Variants in CRADD observed in about 807,000 individuals in gnomAD.
The protein encoded by CRADD is CARD and death domain containing adaptor protein, also known as death domain-containing protein CRADD.
CRADD carries 9 observed loss-of-function variants against 15.5 expected under a neutral mutation model. The ratio of observed to expected loss-of-function variants is 0.58; its 90% CI spans 0.35 to 1.01. The LOEUF (loss-of-function observed/expected upper bound fraction) is 1.01, where lower values mean the gene tolerates loss of function less well. Among genes scored for constraint, CRADD ranks in the 50% least tolerant of loss-of-function variants. The pLI is 0.02. For missense variants in CRADD, 227 were observed against 250.3 expected, an observed-to-expected ratio of 0.91 and a Z score of 0.63; for synonymous variants, 118 against 107.6, an observed-to-expected ratio of 1.10 and a Z score of -0.60.
chr12:93,716,481 A>G (rs1171419600), intron 2 of CRADD, among the ~76,000 whole-genome samples: 3 of 152,224 alleles, frequency 2.0e-5, no homozygotes, highest in Non-Finnish European at 4.4e-5. Context: ...CATTTATGGA[A>G]TCATACAGAG....
chr12:93,814,980 C>T lies in CRADD; in HGVS notation c.299-34990C>T, dbSNP rs75800372. ...TCTCTGCAGAGGTTGGAATCACCCC[C>T]TTGGGTGCTGGTAGCAATCTGTGAA... On this transcript the variant is annotated intron_variant, in intron 2 of 2. Coordinates refer to ENST00000332896, the MANE Select transcript of CRADD (RefSeq NM_003805.5). Among the ~76,000 whole-genome samples, 1,479 of 152,212 alleles carry T rather than the reference C, an allele frequency of 9.7e-3. 26 individuals are homozygous for T. Among genetic ancestry groups the T allele is most frequent in the African/African-American group, 0.034 (1,414 of 41,546 alleles).
intron 2 of CRADD, among the ~76,000 whole-genome samples, chr12:93,882,333 A>G (rs1179580351): frequency 1.3e-5 from 2 of 150,102 alleles, no homozygotes; most frequent in African/African-American, 4.9e-5. Flanking sequence ...AGGCAGGAGA[A>G]TCGCTTGAAC....
chr12:93,790,277 C>G (rs1353983512), intron 2 of CRADD, among the ~76,000 whole-genome samples: 23 of 151,808 alleles, frequency 1.5e-4, no homozygotes, highest in Non-Finnish European at 1.5e-5. Context: ...TTTTTGGCCC[C>G]CAAGATACTC....
intron 2 of CRADD, among the ~76,000 whole-genome samples, chr12:93,867,235 G>C (rs1958375258): frequency 6.6e-6 from 1 of 151,676 alleles, no homozygotes; most frequent in Non-Finnish European, 1.5e-5. Flanking sequence ...TCCTCTTTCT[G>C]TTTTCTAACT....
At chr12:93,846,423 C>T (rs1958116849) in intron 2 of CRADD, 1 of 152,104 alleles carries the variant, frequency 6.6e-6, no homozygotes, top group Non-Finnish European at 1.5e-5. Context: ...CCAATTTCTC[C>T]ACACCCTTGC....
chr12:93,853,932 A>G (rs1958249514), downstream of CRADD, among the ~76,000 whole-genome samples: 1 of 152,152 alleles, frequency 6.6e-6, no homozygotes, highest in Non-Finnish European at 1.5e-5. Flanking sequence ...TTGCCTTTTC[A>G]TTGTTATAAA....
At chr12:93,785,119 T>C (rs1957264325) in intron 2 of CRADD, among the ~76,000 whole-genome samples, 1 of 152,130 alleles carries the variant, frequency 6.6e-6, no homozygotes, top group Admixed American at 6.5e-5. Context: ...CTATGTTTGA[T>C]AATGCATATA....
At chr12:93,726,914 C>T (rs138476714) in intron 2 of CRADD, among the ~76,000 whole-genome samples, 182 of 152,272 alleles carry the variant, frequency 1.2e-3, no homozygotes, top group African/African-American at 4.2e-3. Flanking sequence ...CTCAGTTTCA[C>T]GATAACAAGA....
intron 2 of CRADD, among the ~76,000 whole-genome samples, chr12:93,786,875 T>C (rs1957283699): frequency 6.6e-6 from 1 of 152,294 alleles, no homozygotes; most frequent in South Asian, 2.1e-4. Flanking sequence ...TTTGAAAACA[T>C]TTGCTGCATG....
At chr12:93,743,969 A>G (rs1368733030) in intron 2 of CRADD, among the ~76,000 whole-genome samples, 1 of 151,988 alleles carries the variant, frequency 6.6e-6, no homozygotes, top group Admixed American at 6.5e-5. Flanking sequence ...TGAAATCACT[A>G]AATAAAGATA....
At chr12:93,678,546 G>A (rs1390469750) in intron 1 of CRADD, among the ~76,000 whole-genome samples, 1 of 151,990 alleles carries the variant, frequency 6.6e-6, no homozygotes, top group Non-Finnish European at 1.5e-5. Context: ...TGTGTGAAAA[G>A]CAGAAACAGA....
intron 2 of CRADD, among the ~76,000 whole-genome samples, chr12:93,703,978 CTTTTTTTTT>C (rs71071759): frequency 3.3e-5 from 3 of 90,270 alleles, no homozygotes; most frequent in Admixed American, 1.4e-4. Flanking sequence ...TGGAGCCTTT[CTTTTTTTTT>C]TTTTTTTTTT....
chr12:93,731,439 A>T lies in CRADD; in HGVS notation c.298+52367A>T, dbSNP rs77853979. Among the ~76,000 whole-genome samples the T allele has an allele frequency of 3.0e-3, 456 of 152,372 alleles. 1 individual carries two copies. Among genetic ancestry groups the T allele is most frequent in the African/African-American group, 0.01 (429 of 41,594 alleles). ...TTACTTTTTGAAAGTTGGCACAGGC[A>T]TGTGCTCACACATACATTATTTCCC... is the stretch of plus-strand genomic sequence containing the variant. On this transcript the variant is annotated intron_variant, in intron 2 of 2. Coordinates refer to ENST00000332896, the MANE Select transcript of CRADD (RefSeq NM_003805.5).
intron 2 of CRADD, among the ~76,000 whole-genome samples, chr12:93,755,975 AC>A (rs1315903845): frequency 2.0e-5 from 3 of 152,220 alleles, no homozygotes; most frequent in Non-Finnish European, 4.4e-5. Context: ...CATCTTTAGA[AC>A]AATTCTAAAG....
Position 93,856,085 on chromosome 12 carries a change from C to T in CRADD, c.299-37965C>T, listed in dbSNP as rs142465084. The stretch of plus-strand genomic sequence containing the variant: ...CCTCCCAAAGTGCTGGGATTACAGG[C>T]GTGAGCCACTGCGCCCGGCCCAGTT... On this transcript the variant is annotated intron_variant, in intron 2 of 2. Coordinates refer to the CRADD transcript ENST00000548483. Among the ~76,000 whole-genome samples, 388 of 152,344 alleles carry T rather than the reference C, an allele frequency of 2.5e-3. 2 individuals are homozygous for T. The highest frequency in any genetic ancestry group is 8.9e-3 in the African/African-American group (370 of 41,576).
intron 2 of CRADD, among the ~76,000 whole-genome samples, chr12:93,705,493 A>G (rs923211338): frequency 2.0e-5 from 3 of 152,224 alleles, no homozygotes; most frequent in Non-Finnish European, 4.4e-5. Context: ...TGATCGGAAG[A>G]GATGCATTGG....
At chr12:93,802,551 C>T (rs1015274789) in intron 2 of CRADD, among the ~76,000 whole-genome samples, 10 of 152,174 alleles carry the variant, frequency 6.6e-5, no homozygotes, top group Non-Finnish European at 1.2e-4. Context: ...GTCATGGCTA[C>T]TTCCTTTTTC....
At chr12:93,787,305 GTT>G (rs34146137) in intron 2 of CRADD, among the ~76,000 whole-genome samples, 55,863 of 124,934 alleles carry the variant, frequency 0.45, 12,009 homozygotes, top group East Asian at 0.65. Context: ...GTATGACAGG[GTT>G]TTTTTTTTTT....
chr12:93,753,390 T>C (rs1592961535), intron 2 of CRADD, among the ~76,000 whole-genome samples: 1 of 152,094 alleles, frequency 6.6e-6, no homozygotes, highest in Admixed American at 6.5e-5. Context: ...AAATCTCACG[T>C]CTTCACATTT....
Sources: gnomAD v4.1 joint callset for allele counts (sites outside exome capture counted in the v4.1 genomes callset) on GRCh38, gnomAD v4.1.1 for gene constraint, MANE v1.5 for transcripts, NCBI Gene and HGNC (gene_info 2026-07-23, HGNC 2026-07-21) for gene names.